The following ZBTB11 variants were observed in gnomAD, a reference collection of about 807,000 sequenced individuals.
ZBTB11 encodes zinc finger and BTB domain-containing protein 11.
Under a neutral mutation model 113.1 loss-of-function variants are expected in ZBTB11, and 68 were observed. The observed-to-expected ratio is 0.60, with a 90% CI of 0.49 to 0.74. The LOEUF is 0.74. Among genes scored for constraint, ZBTB11 ranks in the 30% least tolerant of loss-of-function variants. The pLI, the probability that ZBTB11 is intolerant of heterozygous loss-of-function variation, is 0.00. For missense variants in ZBTB11, 1,104 were observed against 1,279.4 expected, an observed-to-expected ratio of 0.86 and a Z score of 2.09; for synonymous variants, 518 against 452.6, an observed-to-expected ratio of 1.14 and a Z score of -1.83.
Position 101,671,337 on chromosome 3 carries a change from G to A in ZBTB11, c.571C>T (p.Arg191Cys), listed in dbSNP as rs370728651. Residue 191 changes from arginine (R) to cysteine (C), a missense_variant, in exon 3 of 11, where the codon CGT (arginine) becomes TGT (cysteine). Physicochemically the swap from Arg to Cys is radical, Grantham distance 180 (BLOSUM62 -3). Around this residue, in one of 5 missense-constraint regions of ZBTB11, gnomAD observed 245 missense variants for 272.5 expected, o/e 0.90. Coordinates refer to ENST00000312938, the MANE Select transcript of ZBTB11 (RefSeq NM_014415.4). The stretch of plus-strand genomic sequence containing the variant: ...GCCTGACAATGTTTTGGAGAAGAAC[G>A]TTTTACCACTCCTTTGGTGTCAACC... ...VFVDTKGVVK[R>C]SSPKHCQAVL... 9 of 1,613,978 alleles carry A rather than the reference G, an allele frequency of 5.6e-6. No individual in the cohort carries two copies. The East Asian group carries it at 8.9e-5, about 16-fold the overall frequency.
intron 5 of ZBTB11, among the ~76,000 whole-genome samples, chr3:101,663,939 T>C (rs568419572): frequency 1.3e-5 from 2 of 151,936 alleles, no homozygotes; most frequent in African/African-American, 2.4e-5. Flanking sequence ...AAGCTTTTAC[T>C]CTTCCCTGTT....
intron 5 of ZBTB11, among the ~76,000 whole-genome samples, chr3:101,662,942 C>CTT (rs1180624432): frequency 3.2e-4 from 44 of 139,414 alleles, no homozygotes; most frequent in African/African-American, 4.7e-4. Flanking sequence ...TTTTGTATTT[C>CTT]TTTTTTTTTT....
intron 2 of ZBTB11, 31 bp from the exon 3 acceptor site, chr3:101,671,392 C>T (rs2108327407): frequency 6.5e-7 from 1 of 1,539,422 alleles, no homozygotes; most frequent in African/African-American, 1.4e-5. Context: ...GCAAGAGTAA[C>T]ATATTACCTG....
chr3:101,659,693 A>C, intron 6 of ZBTB11, 90 bp downstream of exon 6: 1 of 1,467,470 alleles, frequency 6.8e-7, no homozygotes, highest in Non-Finnish European at 9.3e-7. Context: ...AATGAGAGTG[A>C]CTTGAGAATA....
intron 5 of ZBTB11, among the ~76,000 whole-genome samples, chr3:101,660,357 T>C (rs890100671): frequency 2.6e-5 from 4 of 152,176 alleles, no homozygotes; most frequent in East Asian, 1.9e-4. Flanking sequence ...GGGCTGGAAA[T>C]AGAAAGGTAA....
chr3:101,676,745 T>C lies in ZBTB11; in HGVS notation c.170A>G (p.Lys57Arg), dbSNP rs1212997361. ...LYYQRRQRHR[K>R]TFAELEVVLQ... ...CACCACCTCCAGCTCCGCGAAGGTC[T>C]TGCGGTGCCGCTGCCGCCGCTGGTA... is the stretch of plus-strand genomic sequence containing the variant. The change falls in exon 1 of 11, where the codon AAG (lysine) becomes AGG (arginine). Residue 57 changes from lysine to arginine, a missense_variant. By Grantham distance (26) the Lys-to-Arg change is conservative. Transcript: ENST00000312938. 12 of 1,606,638 alleles carry C rather than the reference T, an allele frequency of 7.5e-6. No homozygotes were observed. Among genetic ancestry groups the C allele is most frequent in the Non-Finnish European group, 9.3e-6 (11 of 1,176,940 alleles).
At chr3:101,666,017 T>C (rs113550557) in intron 3 of ZBTB11, among the ~76,000 whole-genome samples, 2,620 of 152,088 alleles carry the variant, frequency 0.017, 31 homozygotes, top group Admixed American at 0.035. Flanking sequence ...ATATAGAAAA[T>C]AGTATCAGAC....
In ZBTB11 at chr3:101,664,812, T is replaced by A. The variant is rs533423185; in HGVS notation, c.1624-98A>T. The A allele has an allele frequency of 4.8e-5, 71 of 1,473,330 alleles. No homozygotes were observed. The African/African-American group carries it at 8.5e-4, about 18-fold the overall frequency. 91.3% of individuals were successfully genotyped at this position (1,473,330 alleles called of 1,614,324 possible). The stretch of plus-strand genomic sequence containing the variant: ...CTAACAAAAAGATTTCAAATTCACA[T>A]TATCTTATTAATACTGGCATTTAAA... On this transcript the variant is annotated intron_variant, in intron 4 of 10. Transcript: ENST00000312938.
rs150939318 is a variant in ZBTB11, at chr3:101,650,991, G to A, written c.*175C>T. ...TGTTTTCAATTTCTCTACACTAAACGGACTTTTCTATAGAACCCATTGGCC... is the reference window on the plus strand; with the variant it reads ...TGTTTTCAATTTCTCTACACTAAACAGACTTTTCTATAGAACCCATTGGCC... On this transcript the variant is annotated 3_prime_UTR_variant, in exon 11 of 11. Coordinates refer to ENST00000312938, the MANE Select transcript of ZBTB11 (RefSeq NM_014415.4). The A allele has an allele frequency of 4.1e-4, 250 of 604,130 alleles. 1 individual carries two copies. In the East Asian group the frequency reaches 6.2e-3, roughly 15 times the overall value. The allele number at this position is 604,130 out of a possible 1,614,324, so 37.4% of individuals were successfully genotyped here. A position where few individuals can be genotyped will look rare whatever the true frequency, so the allele number is the denominator to read the frequency against.
chr3:101,654,920 TTGGA>T (rs1936769162), intron 7 of ZBTB11, 99 bp from the exon 8 acceptor site: 1 of 853,148 alleles, frequency 1.2e-6, no homozygotes, highest in South Asian at 1.5e-5. Flanking sequence ...GTTGCCCAGG[TTGGA>T]TGGAGTGCAG....
intron 7 of ZBTB11, 125 bp from the exon 8 acceptor site, chr3:101,654,946 C>A: frequency 1.6e-6 from 1 of 643,570 alleles, no homozygotes; most frequent in East Asian, 2.7e-5. Context: ...GGCGTGATCT[C>A]GGCTCATCGC....
intron 10 of ZBTB11, 72 bp downstream of exon 10, chr3:101,652,424 C>A (rs756517262): frequency 1.4e-6 from 2 of 1,431,238 alleles, no homozygotes; most frequent in Non-Finnish European, 1.9e-6. Context: ...GGTGAAAGAG[C>A]TGGTAAAGGG....
At chr3:101,663,961 A>G (rs1936937050) in intron 5 of ZBTB11, among the ~76,000 whole-genome samples, 1 of 151,916 alleles carries the variant, frequency 6.6e-6, no homozygotes, top group African/African-American at 2.4e-5. Context: ...TGAGTACAGT[A>G]CACTCTTCCC....
Position 101,664,724 on chromosome 3 carries a change from G to A in ZBTB11, c.1624-10C>T. Reference sequence around the variant, plus strand: ...CTAACTTCTGAGCCACCTAGTAAGGGATAGAAATCACAATCTAAGTAAATC... The same window carrying A: ...CTAACTTCTGAGCCACCTAGTAAGGAATAGAAATCACAATCTAAGTAAATC... On this transcript the variant is annotated splice_polypyrimidine_tract_variant and intron_variant, in intron 4 of 10. Transcript: ENST00000312938. The A allele has an allele frequency of 1.3e-6, 2 of 1,574,144 alleles. No homozygotes were observed. Among genetic ancestry groups the A allele is most frequent in the Non-Finnish European group, 1.7e-6 (2 of 1,166,226 alleles).
chr3:101,674,355 G>A (rs1937128535), intron 1 of ZBTB11, among the ~76,000 whole-genome samples: 1 of 151,866 alleles, frequency 6.6e-6, no homozygotes, highest in African/African-American at 2.4e-5. Flanking sequence ...GGAACAATGG[G>A]TTCGAGTTAA....
chr3:101,653,853 A>G (rs888504324), intron 8 of ZBTB11, among the ~76,000 whole-genome samples: 10 of 152,160 alleles, frequency 6.6e-5, no homozygotes, highest in Non-Finnish European at 1.5e-4. Context: ...TGTACCCCTG[A>G]ACCTAAAAGT....
At chr3:101,669,430 T>TTTC (rs1937049835) in intron 3 of ZBTB11, among the ~76,000 whole-genome samples, 1 of 152,210 alleles carries the variant, frequency 6.6e-6, no homozygotes, top group African/African-American at 2.4e-5. Context: ...AATATGCATA[T>TTTC]GGAATGAAGA....
At chr3:101,676,107 C>G (rs969805673) in intron 1 of ZBTB11, among the ~76,000 whole-genome samples, 56 of 152,370 alleles carry the variant, frequency 3.7e-4, no homozygotes, top group African/African-American at 1.3e-3. Flanking sequence ...GGAACACTAG[C>G]GAATGTGTCC....
At position 101,677,111 on chromosome 3, in the gene ZBTB11, C is replaced by T; in HGVS notation, c.-197G>A. 1.7e-6 allele frequency: 1 copy of T among 580,924 alleles called. No individual in the cohort carries two copies. The allele number at this position is 580,924 out of a possible 1,614,324, so 36.0% of individuals were successfully genotyped here. A position where few individuals can be genotyped will look rare whatever the true frequency, so the allele number is the denominator to read the frequency against. On this transcript the variant is annotated 5_prime_UTR_variant, in exon 1 of 11. Coordinates refer to ENST00000312938, the MANE Select transcript of ZBTB11 (RefSeq NM_014415.4). ...ACCAGGGGGAACTGCACTTCTCCAG[C>T]GCGCGGGATCCGCTGGCGACTGACA...
Sources: gnomAD v4.1 joint callset for allele counts (sites outside exome capture counted in the v4.1 genomes callset) on GRCh38, gnomAD v4.1.1 for gene constraint, gnomAD v4.1.1 regional missense constraint, MANE v1.5 for transcripts, NCBI Gene and HGNC (gene_info 2026-07-23, HGNC 2026-07-21) for gene names.